The following FCSK variants were observed in gnomAD, a reference collection of about 807,000 sequenced individuals.
FCSK encodes fucose kinase.
FCSK carries 123 observed loss-of-function variants against 122.5 expected under a neutral mutation model. That is an observed-to-expected ratio of 1.00 (90% CI 0.87 to 1.17). FCSK has a LOEUF of 1.17. FCSK is among the 50% of genes most tolerant of loss of function. FCSK has a pLI of 0.00. For synonymous variants in FCSK, 620 were observed against 625.5 expected, an observed-to-expected ratio of 0.99 and a Z score of 0.13; for missense variants, 1,366 against 1,450.4, an observed-to-expected ratio of 0.94 and a Z score of 0.95.
At position 70,473,480 on chromosome 16, in the gene FCSK, G is replaced by A; in HGVS notation, c.1777+127G>A. ...TCAAGCAGGGAAGGGGCATGCTGGA[G>A]TTTACTTTTAGGATTCTGGAAGGCC... On this transcript the variant is annotated intron_variant, in intron 15 of 23. Coordinates refer to ENST00000288078, the MANE Select transcript of FCSK (RefSeq NM_145059.3). This position sits in a 1 kb window ranked among gnomAD's most constrained non-coding sequence, Gnocchi z 4.9. 1 of 1,196,360 alleles carries A rather than the reference G, an allele frequency of 8.4e-7. No individual in the cohort carries two copies. The highest frequency in any genetic ancestry group is 1.6e-5 in the African/African-American group (1 of 63,514). 74.1% of individuals were successfully genotyped at this position (1,196,360 alleles called of 1,614,324 possible).
At chr16:70,464,148 G>A (rs1456037638) in intron 3 of FCSK, among the ~76,000 whole-genome samples, 7 of 152,172 alleles carry the variant, frequency 4.6e-5, no homozygotes, top group Non-Finnish European at 7.3e-5. Flanking sequence ...TGCTGGTCCC[G>A]TGTCTCCCAT....
chr16:70,473,243 A>C lies in FCSK; in HGVS notation c.1667A>C (p.His556Pro). The C allele has an allele frequency of 6.5e-7, 1 of 1,534,722 alleles. No homozygotes were observed. Residue 556 changes from histidine to proline, a missense_variant, in exon 15 of 24, where the codon CAT becomes CCT. Coordinates refer to ENST00000288078, the MANE Select transcript of FCSK (RefSeq NM_145059.3). This position sits in a 1 kb window ranked among gnomAD's most constrained non-coding sequence, Gnocchi z 4.9. ...RRDLFFRQAL[H>P]KARHVLEARQ... Reference sequence around the variant, plus strand: ...GACCTGTTCTTCCGCCAGGCCCTGCATAAGGCGCGGCACGTGCTGGAGGCC... The same window carrying C: ...GACCTGTTCTTCCGCCAGGCCCTGCCTAAGGCGCGGCACGTGCTGGAGGCC...
At chr16:70,471,555 T>G (rs902707688) in intron 13 of FCSK, among the ~76,000 whole-genome samples, 1 of 152,176 alleles carries the variant, frequency 6.6e-6, no homozygotes, top group African/African-American at 2.4e-5. Context: ...CCACAGGCCT[T>G]TACCTCCCTC....
In FCSK at chr16:70,469,248, G is replaced by A; in HGVS notation, c.880G>A (p.Ala294Thr). Residue 294 changes from alanine to threonine, a missense_variant, in exon 10 of 24, where the codon GCA becomes ACA. By Grantham distance (58) the Ala-to-Thr change is moderately conservative. Transcript: ENST00000288078. The stretch of plus-strand genomic sequence containing the variant: ...GCCCCCAGAGTTGGGGCAAGGCGAT[G>A]CAGATGTAGCGGGTTATCTGCAGAG... ...GRPPELGQGD[A>T]DVAGYLQSAR... is the part of the protein sequence containing the mutation. 1 of 1,613,886 alleles carries A rather than the reference G, an allele frequency of 6.2e-7. No individual in the cohort carries two copies. Among genetic ancestry groups the A allele is most frequent in the Non-Finnish European group, 8.5e-7 (1 of 1,180,006 alleles).
intron 20 of FCSK, 61 bp downstream of exon 20, chr16:70,475,828 G>C: frequency 1.4e-6 from 2 of 1,468,024 alleles, no homozygotes; most frequent in Non-Finnish European, 1.8e-6. Flanking sequence ...CCCGCGGGGG[G>C]AGTGGGGCTC....
At chr16:70,471,943 G>A (rs975089597) in intron 13 of FCSK, among the ~76,000 whole-genome samples, 1 of 151,728 alleles carries the variant, frequency 6.6e-6, no homozygotes, top group Non-Finnish European at 1.5e-5. Flanking sequence ...GTAGCTGGGA[G>A]TACAGGCGCC....
chr16:70,455,726 T>C (rs1228756063), intron 1 of FCSK, among the ~76,000 whole-genome samples: 2 of 151,796 alleles, frequency 1.3e-5, no homozygotes, highest in Non-Finnish European at 2.9e-5. Context: ...ACCCCCTCTC[T>C]ACTAATAATA....
chr16:70,468,470 C>T (rs577039888), intron 8 of FCSK, among the ~76,000 whole-genome samples: 34 of 152,144 alleles, frequency 2.2e-4, no homozygotes, highest in African/African-American at 8.2e-4. Flanking sequence ...AAAACTCAAA[C>T]GAAAAAAGAA....
intron 1 of FCSK, among the ~76,000 whole-genome samples, chr16:70,458,421 A>C (rs913002913): frequency 2.6e-5 from 4 of 151,172 alleles, no homozygotes; most frequent in African/African-American, 9.7e-5. Flanking sequence ...CGGCCTCCCA[A>C]AGTGCTGAGA....
chr16:70,465,177 G>A lies in FCSK; in HGVS notation c.285+1G>A, dbSNP rs2151708236. 1 of 1,608,156 alleles carries A rather than the reference G, an allele frequency of 6.2e-7. No individual in the cohort carries two copies. The highest frequency in any genetic ancestry group is 2.2e-5 in the East Asian group (1 of 44,724). On this transcript the variant is annotated splice_donor_variant, in intron 4 of 23. Coordinates refer to ENST00000288078, the MANE Select transcript of FCSK (RefSeq NM_145059.3). LOFTEE classifies it high-confidence loss of function. ...GGCCTGGATCCTCATTCTGCACATG[G>A]TAAATGAACTTTGGGGCAGGGGCCA...
At chr16:70,479,067 G>T in intron 22 of FCSK, 113 bp from the exon 23 acceptor site, 1 of 842,886 alleles carries the variant, frequency 1.2e-6, no homozygotes, top group Non-Finnish European at 1.9e-6. Context: ...ACTGGAATCC[G>T]GCTTCTTTAC....
rs950518776 is a variant in FCSK, at chr16:70,474,035, C to G, written c.1778-94C>G. On this transcript the variant is annotated intron_variant, in intron 15 of 23. Coordinates refer to ENST00000288078, the MANE Select transcript of FCSK (RefSeq NM_145059.3). ...GCAAAAGCCAGGAGGTGTGAGGGGTCTGGCGCATTTAGGGACTGTTGAGTA... is the reference window on the plus strand; with the variant it reads ...GCAAAAGCCAGGAGGTGTGAGGGGTGTGGCGCATTTAGGGACTGTTGAGTA... 7.6e-6 allele frequency: 9 copies of G among 1,180,932 alleles called. No individual in the cohort carries two copies. In the African/African-American group the frequency reaches 9.2e-5, roughly 12 times the overall value. 73.2% of individuals were successfully genotyped at this position (1,180,932 alleles called of 1,614,324 possible).
Position 70,467,417 on chromosome 16 carries a change from C to G in FCSK, c.528C>G (p.Leu176=). ...DSFRGARVIA[L]PGSPAYAQNH... ...TCCGGGGAGCCAGAGTGATCGCCCT[C>G]CCAGGGAGCCCGGCCTACGCTCAGA... is the stretch of plus-strand genomic sequence containing the variant. Residue 176 remains leucine, a synonymous_variant, in exon 7 of 24, where the codon CTC becomes CTG. Coordinates refer to ENST00000288078, the MANE Select transcript of FCSK (RefSeq NM_145059.3). The G allele has an allele frequency of 3.7e-6, 6 of 1,610,902 alleles. No homozygotes were observed. Among genetic ancestry groups the G allele is most frequent in the Non-Finnish European group, 5.1e-6 (6 of 1,178,956 alleles).
At position 70,456,261 on chromosome 16, in the gene FCSK, A is replaced by G. The variant is rs572950926; in HGVS notation, c.-23+1631A>G. On this transcript the variant is annotated intron_variant, in intron 1 of 23. Transcript: ENST00000288078. ...GCCAAAATTACTTTTGCACCAACCT[A>G]ATAGCTATGTTTCTGCTTTTTAAAC... Among the ~76,000 whole-genome samples the G allele has an allele frequency of 3.3e-5, 5 of 152,306 alleles. No individual in the cohort carries two copies. The South Asian group carries it at 6.2e-4, about 19-fold the overall frequency.
chr16:70,471,974 T>C (rs939455692), intron 13 of FCSK, among the ~76,000 whole-genome samples: 5 of 152,036 alleles, frequency 3.3e-5, no homozygotes, highest in East Asian at 1.9e-4. Flanking sequence ...CCTGGCAAAT[T>C]TTTTTGTATT....
Position 70,471,305 on chromosome 16 carries a change from TC to T in FCSK, c.1298del (p.Pro433ArgfsTer141). 1.2e-6 allele frequency: 2 copies of T among 1,602,600 alleles called. No homozygotes were observed. Among genetic ancestry groups the T allele is most frequent in the East Asian group, 2.2e-5 (1 of 44,512 alleles). On this transcript the variant is annotated frameshift_variant, in exon 13 of 24. Transcript: ENST00000288078. LOFTEE classifies it high-confidence loss of function. Reference protein sequence around the residue: ...LQGHHTRLHGSPGHAFTLVGR... With the variant: ...LQGHHTRLHGXPGHAFTLVGR... Reference sequence around the variant, plus strand: ...GGGACACCACACGCGGCTACACGGCTCCCCGGGCCACGCCTTCACCCTCGTT... The same window carrying T: ...GGGACACCACACGCGGCTACACGGCTCCCGGGCCACGCCTTCACCCTCGTT...
intron 10 of FCSK, 149 bp downstream of exon 10, chr16:70,469,472 A>T: frequency 1.6e-6 from 1 of 627,408 alleles, no homozygotes; most frequent in Non-Finnish European, 2.6e-6. Context: ...CCACTGAGCT[A>T]CCTCCTTCCC....
At chr16:70,469,403 C>A in intron 10 of FCSK, 80 bp downstream of exon 10, 1 of 1,380,222 alleles carries the variant, frequency 7.2e-7, no homozygotes, top group Admixed American at 2.2e-5. Flanking sequence ...TCACTGCATG[C>A]TGGGCCAGGC....
chr16:70,461,472 G>T (rs1038297668), intron 1 of FCSK, among the ~76,000 whole-genome samples: 1 of 152,086 alleles, frequency 6.6e-6, no homozygotes, highest in Admixed American at 6.6e-5. Context: ...AGACAGGGGT[G>T]GGGGTGAAGC....
Sources: gnomAD v4.1 joint callset for allele counts (sites outside exome capture counted in the v4.1 genomes callset) on GRCh38, gnomAD v4.1.1 for gene constraint, Gnocchi (gnomAD v3.1) non-coding constraint, MANE v1.5 for transcripts, NCBI Gene and HGNC (gene_info 2026-07-23, HGNC 2026-07-21) for gene names.